The following TMEM132B variants were observed in gnomAD, a reference collection of about 807,000 sequenced individuals.
The protein encoded by TMEM132B is transmembrane protein 132B.
Under a neutral mutation model 90.8 loss-of-function variants are expected in TMEM132B, and 18 were observed. That is an observed-to-expected ratio of 0.20 (90% CI 0.14 to 0.29). The LOEUF is 0.29. Ranked by LOEUF, TMEM132B falls within the 10% of genes least tolerant of loss-of-function variation. TMEM132B has a pLI of 1.00. For synonymous variants in TMEM132B, 504 were observed against 523.3 expected (o/e 0.96, Z 0.50); for missense variants, 1,096 against 1,326.8 (o/e 0.83, Z 2.70).
At chr12:125,235,380 C>G (rs940726536) in intron 1 of TMEM132B, among the ~76,000 whole-genome samples, 23 of 152,218 alleles carry the variant, frequency 1.5e-4, no homozygotes, top group African/African-American at 5.3e-4. Context: ...TGTCATCTCT[C>G]CCTCTTCCTT....
chr12:125,531,225 A>G (rs751121323), intron 4 of TMEM132B, among the ~76,000 whole-genome samples: 1 of 151,970 alleles, frequency 6.6e-6, no homozygotes, highest in Non-Finnish European at 1.5e-5. Context: ...TTGCTCTGCC[A>G]CTCAGGCTGG....
chr12:125,539,554 G>A (rs1883900674), intron 4 of TMEM132B, among the ~76,000 whole-genome samples: 2 of 152,238 alleles, frequency 1.3e-5, no homozygotes, highest in Admixed American at 1.3e-4. Flanking sequence ...CTCTTCCTGG[G>A]AATGTAAGCT....
chr12:125,521,567 G>C (rs1883307436), intron 4 of TMEM132B, among the ~76,000 whole-genome samples: 1 of 152,216 alleles, frequency 6.6e-6, no homozygotes, highest in Admixed American at 6.5e-5. Context: ...GAACAGAAGA[G>C]AGCTGGGCAC....
chr12:125,316,948 C>T (rs1876297701), intron 1 of TMEM132B, among the ~76,000 whole-genome samples: 1 of 152,214 alleles, frequency 6.6e-6, no homozygotes, highest in African/African-American at 2.4e-5. Flanking sequence ...TCAGCCACAG[C>T]CTTTGGCCAA....
At chr12:125,531,217 G>T (rs146091653) in intron 4 of TMEM132B, among the ~76,000 whole-genome samples, 2 of 151,908 alleles carry the variant, frequency 1.3e-5, no homozygotes, top group African/African-American at 2.4e-5. Flanking sequence ...ACAGAGTCTT[G>T]CTCTGCCACT....
At position 125,213,373 on chromosome 12, in the gene TMEM132B, C is replaced by T. The variant is rs908034108; in HGVS notation, c.67+26507C>T. On this transcript the variant is annotated intron_variant, in intron 1 of 8. Coordinates refer to ENST00000682704, the MANE Select transcript of TMEM132B (RefSeq NM_001366854.1). The surrounding 1 kb of genome is among the most constrained non-coding windows in gnomAD (Gnocchi z 4.2). ...CACCTTTTGGATATTGTGAATAGCA[C>T]TGCTGAGAACATTTGTGTACAAGTA... Among the ~76,000 whole-genome samples the T allele has an allele frequency of 6.6e-6, 1 of 152,182 alleles. No individual in the cohort carries two copies. The highest frequency in any genetic ancestry group is 1.5e-5 in the Non-Finnish European group (1 of 68,040).
rs964238902 is a variant in TMEM132B, at chr12:125,245,416, C to T, written c.67+58550C>T. On this transcript the variant is annotated intron_variant, in intron 1 of 8. Coordinates refer to ENST00000682704, the MANE Select transcript of TMEM132B (RefSeq NM_001366854.1). ...CAGGTTGATCCTGGTCACAGGTGGC[C>T]GAGGTAAGAACTGTTGGGATCAGGT... Among the ~76,000 whole-genome samples, 23 of 141,926 alleles carry T rather than the reference C, an allele frequency of 1.6e-4. 1 individual carries two copies. The highest frequency in any genetic ancestry group is 4.8e-4 in the African/African-American group (19 of 39,310). The allele number at this position is 141,926 out of a possible 152,430, so 93.1% of individuals were successfully genotyped here.
At chr12:125,473,672 T>G (rs984198732) in intron 3 of TMEM132B, among the ~76,000 whole-genome samples, 5 of 152,228 alleles carry the variant, frequency 3.3e-5, no homozygotes, top group African/African-American at 1.2e-4. Context: ...GCTTCACACA[T>G]TCCACAAGTA....
intron 1 of TMEM132B, among the ~76,000 whole-genome samples, chr12:125,187,505 G>A (rs971115801): frequency 6.6e-6 from 1 of 152,248 alleles, no homozygotes; most frequent in Admixed American, 6.5e-5. Flanking sequence ...TGACCCCAAG[G>A]CGGGCGGGAG....
chr12:125,222,104 T>C (rs1177707794), intron 1 of TMEM132B, among the ~76,000 whole-genome samples: 1 of 152,154 alleles, frequency 6.6e-6, no homozygotes, highest in East Asian at 1.9e-4. Context: ...AAGGCCCAAG[T>C]ATTTCAGGAA....
At chr12:125,302,806 C>T (rs1229941525) in intron 1 of TMEM132B, among the ~76,000 whole-genome samples, 2 of 152,036 alleles carry the variant, frequency 1.3e-5, no homozygotes, top group Non-Finnish European at 1.5e-5. Context: ...AAACTATATC[C>T]ATTAAGCAGG....
At chr12:125,212,176 A>G (rs4448747) in intron 1 of TMEM132B, among the ~76,000 whole-genome samples, 120,405 of 151,994 alleles carry the variant, frequency 0.79, 48,150 homozygotes, top group African/African-American at 0.91. Flanking sequence ...AGGGCTTCCT[A>G]TCCCAGTGCG....
intron 5 of TMEM132B, among the ~76,000 whole-genome samples, chr12:125,634,608 C>T (rs1344978558): frequency 3.3e-5 from 5 of 152,150 alleles, no homozygotes; most frequent in Admixed American, 1.3e-4. Flanking sequence ...GCTGGTTTTT[C>T]GGGACCCAAG....
intron 3 of TMEM132B, among the ~76,000 whole-genome samples, chr12:125,514,785 A>T (rs1342415666): frequency 6.6e-6 from 1 of 151,934 alleles, no homozygotes; most frequent in East Asian, 1.9e-4. Flanking sequence ...CACTCTTGTG[A>T]TCATGAGCGA....
intron 1 of TMEM132B, among the ~76,000 whole-genome samples, chr12:125,203,350 A>G (rs1427918716): frequency 1.3e-5 from 2 of 152,226 alleles, no homozygotes; most frequent in African/African-American, 4.8e-5. Flanking sequence ...GCTACCCCCT[A>G]GAGGCAGTGC....
At chr12:125,461,447 G>GGAGGA (rs1881433909) in intron 3 of TMEM132B, among the ~76,000 whole-genome samples, 1 of 152,202 alleles carries the variant, frequency 6.6e-6, no homozygotes, top group African/African-American at 2.4e-5. Context: ...TACTGGCCCC[G>GGAGGA]GGAGCCCCTG....
intron 3 of TMEM132B, among the ~76,000 whole-genome samples, chr12:125,495,458 C>G (rs1439777498): frequency 1.3e-5 from 2 of 152,156 alleles, no homozygotes; most frequent in Admixed American, 6.5e-5. Context: ...TATTTCTTCC[C>G]CTTGACCCTT....
At chr12:125,331,217 C>T (rs569682248) in intron 1 of TMEM132B, among the ~76,000 whole-genome samples, 1 of 152,240 alleles carries the variant, frequency 6.6e-6, no homozygotes, top group African/African-American at 2.4e-5. Context: ...GGGTCGGTCC[C>T]CTCCTCCGCG....
intron 3 of TMEM132B, among the ~76,000 whole-genome samples, chr12:125,450,460 G>A (rs919875740): frequency 2.6e-5 from 4 of 152,120 alleles, no homozygotes; most frequent in Admixed American, 1.3e-4. Context: ...TCACAAACCC[G>A]TGTAGATAAT....
Sources: gnomAD v4.1 joint callset for allele counts (sites outside exome capture counted in the v4.1 genomes callset) on GRCh38, gnomAD v4.1.1 for gene constraint, Gnocchi (gnomAD v3.1) non-coding constraint, MANE v1.5 for transcripts, NCBI Gene and HGNC (gene_info 2026-07-23, HGNC 2026-07-21) for gene names.